The following TAFA1 variants were observed in gnomAD, a reference collection of about 807,000 sequenced individuals.
TAFA1 encodes the protein chemokine-like protein TAFA-1.
Under a neutral mutation model 18.5 loss-of-function variants are expected in TAFA1, and 4 were observed. The ratio of observed to expected loss-of-function variants is 0.22; its 90% CI spans 0.11 to 0.49. The LOEUF (loss-of-function observed/expected upper bound fraction) is 0.49. Ranked by LOEUF, TAFA1 falls within the 20% of genes least tolerant of loss-of-function variation. The probability of loss-of-function intolerance (pLI) is 0.98; values close to 1 mark genes in which losing one functional copy is unlikely to be tolerated. For missense variants in TAFA1, 147 were observed against 169.0 expected (o/e 0.87, Z 0.72); for synonymous variants, 56 against 55.2 (o/e 1.01, Z -0.06).
At chr3:68,062,119 A>AT (rs1371924241) in intron 2 of TAFA1, among the ~76,000 whole-genome samples, 1 of 152,080 alleles carries the variant, frequency 6.6e-6, no homozygotes, top group Non-Finnish European at 1.5e-5. Context: ...ACTATCACTT[A>AT]TTTTTTTCTT....
chr3:68,328,309 C>A (rs909733167), intron 2 of TAFA1, among the ~76,000 whole-genome samples: 13 of 152,098 alleles, frequency 8.5e-5, no homozygotes, highest in African/African-American at 2.9e-4. Flanking sequence ...CATAAAATTG[C>A]TTTTGATGTT....
intron 4 of TAFA1, among the ~76,000 whole-genome samples, chr3:68,540,088 A>G (rs2073347841): frequency 6.6e-6 from 1 of 152,168 alleles, no homozygotes; most frequent in South Asian, 2.1e-4. Context: ...TTCAGTGAAT[A>G]AAATTGGTTC....
intron 2 of TAFA1, among the ~76,000 whole-genome samples, chr3:68,083,873 T>G (rs2064938304): frequency 1.3e-5 from 2 of 152,234 alleles, no homozygotes; most frequent in African/African-American, 4.8e-5. Flanking sequence ...CCACATATCT[T>G]GTTAGTGTCC....
intron 2 of TAFA1, among the ~76,000 whole-genome samples, chr3:68,112,717 G>T (rs1189520303): frequency 6.6e-6 from 1 of 151,978 alleles, no homozygotes; most frequent in Admixed American, 6.6e-5. Flanking sequence ...ATTAATAGGT[G>T]ATATTAGCAA....
At chr3:68,208,019 G>A (rs556625489) in intron 2 of TAFA1, among the ~76,000 whole-genome samples, 1 of 151,912 alleles carries the variant, frequency 6.6e-6, no homozygotes, top group African/African-American at 2.4e-5. Context: ...ACCCTTCACT[G>A]TTTTGCTTTA....
At chr3:68,182,891 G>C (rs1285435780) in intron 2 of TAFA1, among the ~76,000 whole-genome samples, 2 of 152,134 alleles carry the variant, frequency 1.3e-5, no homozygotes, top group African/African-American at 4.8e-5. Flanking sequence ...GAATAGGTTG[G>C]ATTGCATTGA....
chr3:68,517,263 T>G (rs1413194859), intron 3 of TAFA1, among the ~76,000 whole-genome samples: 1 of 152,248 alleles, frequency 6.6e-6, no homozygotes, highest in Non-Finnish European at 1.5e-5. Flanking sequence ...ATTGTTGTAT[T>G]TATTTTTATA....
At chr3:68,077,414 T>C (rs10460931) in intron 2 of TAFA1, among the ~76,000 whole-genome samples, 41,685 of 125,912 alleles carry the variant, frequency 0.33, 5,426 homozygotes, top group East Asian at 0.43. Flanking sequence ...AATGCCTAGG[T>C]TTTCTTCTAG....
chr3:68,340,111 G>A (rs2069054862), intron 2 of TAFA1, among the ~76,000 whole-genome samples: 1 of 152,142 alleles, frequency 6.6e-6, no homozygotes, highest in Non-Finnish European at 1.5e-5. Context: ...AAAATATGGT[G>A]CTTTAAACTT....
At chr3:68,368,954 G>A (rs1198175488) in intron 2 of TAFA1, among the ~76,000 whole-genome samples, 2 of 152,184 alleles carry the variant, frequency 1.3e-5, no homozygotes, top group Non-Finnish European at 2.9e-5. Context: ...GGAGAATTAT[G>A]AAAGCATCTG....
At chr3:68,483,063 A>G (rs1275319514) in intron 3 of TAFA1, among the ~76,000 whole-genome samples, 3 of 152,182 alleles carry the variant, frequency 2.0e-5, no homozygotes, top group Non-Finnish European at 4.4e-5. Context: ...TTCCCAACTA[A>G]GGAATCAGCA....
chr3:68,133,270 C>A (rs542424643), intron 2 of TAFA1, among the ~76,000 whole-genome samples: 1 of 152,178 alleles, frequency 6.6e-6, no homozygotes, highest in Non-Finnish European at 1.5e-5. Flanking sequence ...GTTACTGTAA[C>A]CTTACAGTAT....
chr3:68,006,730 AC>A lies in TAFA1; in HGVS notation c.106del (p.Leu36CysfsTer11). On this transcript the variant is annotated frameshift_variant, in exon 2 of 5. Coordinates refer to ENST00000478136, the MANE Select transcript of TAFA1 (RefSeq NM_213609.4). LOFTEE classifies it high-confidence loss of function. ...GSLQHTFQQHHLHRPEGGTCE... is the reference protein window; with the variant it reads ...GSLQHTFQQHXLHRPEGGTCE... ...CTTCAGCACACTTTCCAGCAGCATC[AC>A]CTGCACAGACCAGGTAAGTCAGGAG... The A allele has an allele frequency of 6.2e-7, 1 of 1,613,360 alleles. No individual in the cohort carries two copies. The highest frequency in any genetic ancestry group is 8.5e-7 in the Non-Finnish European group (1 of 1,179,244).
At chr3:68,187,349 G>A (rs901214444) in intron 2 of TAFA1, among the ~76,000 whole-genome samples, 6 of 151,968 alleles carry the variant, frequency 3.9e-5, no homozygotes, top group African/African-American at 1.2e-4. Flanking sequence ...GTCAGACTTA[G>A]ATGGCTTTCT....
chr3:68,035,180 T>G (rs1705019478), intron 2 of TAFA1, among the ~76,000 whole-genome samples: 2 of 152,218 alleles, frequency 1.3e-5, no homozygotes, highest in African/African-American at 4.8e-5. Context: ...TGATCTATAA[T>G]TAGACTTTTA....
the TAFA1 span, among the ~76,000 whole-genome samples, chr3:67,998,007 A>G: frequency 2.4e-4 from 37 of 152,240 alleles, no homozygotes; most frequent in South Asian, 5.0e-3. Context: ...TATGAAAAAT[A>G]CAATGAAAAA....
chr3:68,161,487 G>A (rs185478747), intron 2 of TAFA1, among the ~76,000 whole-genome samples: 3 of 152,288 alleles, frequency 2.0e-5, no homozygotes, highest in African/African-American at 7.2e-5. Context: ...TTTGGTGATG[G>A]AACCCAGCAA....
chr3:68,452,251 C>T (rs954179642), intron 3 of TAFA1, among the ~76,000 whole-genome samples: 9 of 152,062 alleles, frequency 5.9e-5, no homozygotes, highest in Admixed American at 3.3e-4. Flanking sequence ...GGCTGGGCGC[C>T]GTGGCTCACA....
intron 2 of TAFA1, among the ~76,000 whole-genome samples, chr3:68,138,040 A>G (rs1412388247): frequency 2.0e-5 from 3 of 152,224 alleles, no homozygotes; most frequent in African/African-American, 4.8e-5. Flanking sequence ...AATTAGGGCA[A>G]AGAATTTGAA....
Sources: gnomAD v4.1 joint callset for allele counts (sites outside exome capture counted in the v4.1 genomes callset) on GRCh38, gnomAD v4.1.1 for gene constraint, MANE v1.5 for transcripts, NCBI Gene and HGNC (gene_info 2026-07-23, HGNC 2026-07-21) for gene names.